BRF1: variants seen among roughly 807,000 people sequenced by gnomAD.
The protein encoded by BRF1 is BRF1 general transcription factor IIIB subunit.
Under a neutral mutation model 81.7 loss-of-function variants are expected in BRF1, and 59 were observed. The observed-to-expected ratio is 0.72, with a 90% CI of 0.59 to 0.90. The LOEUF is 0.90. Among genes scored for constraint, BRF1 ranks in the 40% least tolerant of loss-of-function variants. The probability of loss-of-function intolerance (pLI) is 0.00; values close to 1 mark genes in which losing one functional copy is unlikely to be tolerated. For synonymous variants in BRF1, 491 were observed against 395.6 expected (o/e 1.24, Z -2.86); for missense variants, 1,050 against 936.3 (o/e 1.12, Z -1.58).
chr14:105,285,016 A>G (rs2057264081), intron 2 of BRF1, among the ~76,000 whole-genome samples: 1 of 152,234 alleles, frequency 6.6e-6, no homozygotes, highest in South Asian at 2.1e-4. Flanking sequence ...CAAATTAAAG[A>G]AGACCCAAAT....
chr14:105,226,093 C>T lies in BRF1; in HGVS notation c.1024G>A (p.Gly342Ser). Residue 342 changes from glycine to serine, a missense_variant, in exon 10 of 18, where the codon GGC becomes AGC. Gly to Ser is a moderately conservative substitution (Grantham distance 56). This residue lies in a region of BRF1 where 1,043 missense variants were observed against 915.4 expected (regional missense o/e 1.14). Transcript: ENST00000547530. Reference protein sequence around the residue: ...LENSRPKAKGGLASLAKDGST... With the variant: ...LENSRPKAKGSLASLAKDGST... ...CCATCTTTTGCCAGGCTGGCCAGGC[C>T]CCCCTTGGCCTTTGGCCGGCTGTTT... The T allele has an allele frequency of 1.2e-6, 2 of 1,613,868 alleles. No homozygotes were observed. Among genetic ancestry groups the T allele is most frequent in the Admixed American group, 1.7e-5 (1 of 60,016 alleles).
chr14:105,222,268 G>C (rs1424491196), intron 10 of BRF1: 4 of 214,330 alleles, frequency 1.9e-5, no homozygotes, highest in Non-Finnish European at 2.7e-5. Flanking sequence ...ACTGCCCTTT[G>C]AAAGACATCG....
At chr14:105,245,355 C>T (rs1194855024) in intron 5 of BRF1, among the ~76,000 whole-genome samples, 1 of 151,076 alleles carries the variant, frequency 6.6e-6, no homozygotes, top group African/African-American at 2.4e-5. Flanking sequence ...AGCAAGACTC[C>T]ATCTCAAAAA....
chr14:105,274,618 G>A (rs2056802750), intron 2 of BRF1, among the ~76,000 whole-genome samples: 1 of 152,362 alleles, frequency 6.6e-6, no homozygotes, highest in African/African-American at 2.4e-5. Context: ...GCCACATGAT[G>A]GCATCAGGAG....
intron 6 of BRF1, 45 bp downstream of exon 6, chr14:105,241,220 C>T (rs754383057): frequency 6.2e-6 from 10 of 1,600,194 alleles, no homozygotes; most frequent in African/African-American, 2.7e-5. Flanking sequence ...AGTGTGAGGC[C>T]AGGACCCAGA....
chr14:105,211,979 C>T, intron 16 of BRF1, 134 bp downstream of exon 16: 1 of 1,334,118 alleles, frequency 7.5e-7, no homozygotes, highest in Middle Eastern at 2.1e-4. Context: ...CCATGCCAGG[C>T]AAGTATGGGG....
At chr14:105,226,025 C>A (rs778289792) in intron 10 of BRF1, 44 bp downstream of exon 10, 15 of 1,533,920 alleles carry the variant, frequency 9.8e-6, no homozygotes, top group South Asian at 8.0e-5. Flanking sequence ...GAGACTCTAG[C>A]ACATTTTAAA....
In BRF1 at chr14:105,216,022, TACAGACACAGGCACACACACTGCGTAC is replaced by T. The variant is rs1456099336; in HGVS notation, c.1772+1495_1772+1521del. Among the ~76,000 whole-genome samples the T allele has an allele frequency of 4.1e-3, 343 of 83,892 alleles. 10 individuals are homozygous for T. The East Asian group carries it at 0.086, about 21-fold the overall frequency. The allele number at this position is 83,892 out of a possible 152,430, so 55.0% of individuals were successfully genotyped here. ...CACATGCACACACACGCTGCAGGCA[TACAGACACAGGCACACACACTGCGTAC>T]ACAGACACAGGCACACACACACACA... On this transcript the variant is annotated intron_variant, in intron 15 of 17. Coordinates refer to ENST00000547530, the MANE Select transcript of BRF1 (RefSeq NM_001519.4).
intron 12 of BRF1, 150 bp downstream of exon 12, chr14:105,219,919 A>C: frequency 1.2e-6 from 1 of 802,436 alleles, no homozygotes; most frequent in Non-Finnish European, 2.0e-6. Flanking sequence ...GGTCCCGGGA[A>C]CAGTGGCCAG....
In BRF1 at chr14:105,209,842, C is replaced by G. The variant is rs1017429397; in HGVS notation, c.*709G>C. On this transcript the variant is annotated 3_prime_UTR_variant, in exon 18 of 18. Transcript: ENST00000547530. ...GCCGGCAGCCGCAGGGCTCCTGGGC[C>G]CACAACTCAAGTGGCCCTGGAGCAG... 2.0e-6 allele frequency: 1 copy of G among 498,408 alleles called. No individual in the cohort carries two copies. Among genetic ancestry groups the G allele is most frequent in the Non-Finnish European group, 3.5e-6 (1 of 284,612 alleles). The allele number at this position is 498,408 out of a possible 1,614,324, so 30.9% of individuals were successfully genotyped here.
intron 1 of BRF1, among the ~76,000 whole-genome samples, chr14:105,296,030 CAG>C (rs2057725946): frequency 7.2e-6 from 1 of 138,464 alleles, no homozygotes; most frequent in African/African-American, 2.8e-5. Context: ...GCAGTGAGCC[CAG>C]ATTGCGCCAC....
chr14:105,262,007 A>G (rs2056182727), intron 3 of BRF1, among the ~76,000 whole-genome samples: 1 of 152,240 alleles, frequency 6.6e-6, no homozygotes, highest in South Asian at 2.1e-4. Context: ...GGCCCGGCCG[A>G]AGCTCCGTGT....
chr14:105,245,958 G>A (rs1305492700), intron 5 of BRF1, among the ~76,000 whole-genome samples: 5 of 152,120 alleles, frequency 3.3e-5, no homozygotes, highest in African/African-American at 9.7e-5. Context: ...GCACAGCAAA[G>A]GAATCTATTA....
intron 1 of BRF1, among the ~76,000 whole-genome samples, chr14:105,288,380 A>G (rs997535181): frequency 6.6e-6 from 1 of 151,990 alleles, no homozygotes; most frequent in Non-Finnish European, 1.5e-5. Context: ...TGAACCCAGG[A>G]GGTGGAGGTT....
intron 11 of BRF1, 87 bp downstream of exon 11, chr14:105,221,561 G>A: frequency 1.3e-6 from 2 of 1,508,682 alleles, no homozygotes; most frequent in Non-Finnish European, 8.8e-7. Flanking sequence ...ACAGAGGATG[G>A]CAGCATCCGG....
chr14:105,267,851 T>C (rs984780157), intron 3 of BRF1, among the ~76,000 whole-genome samples: 7 of 152,212 alleles, frequency 4.6e-5, no homozygotes, highest in Non-Finnish European at 8.8e-5. Context: ...TGGAATAAGC[T>C]GAATGCACAT....
In BRF1 at chr14:105,210,676, CT is replaced by C. The variant is rs1246833745; in HGVS notation, c.1997-89del. 9 of 1,456,628 alleles carry C rather than the reference CT, an allele frequency of 6.2e-6. No individual in the cohort carries two copies. The highest frequency in any genetic ancestry group is 3.8e-5 in the Admixed American group (2 of 52,490). The allele number at this position is 1,456,628 out of a possible 1,614,324, so 90.2% of individuals were successfully genotyped here. ...AACCCGCCCTGTTCCTGGTGCCCCC[CT>C]AGAAGACTCAGGCTCCAGCCCCAGC... On this transcript the variant is annotated intron_variant, in intron 17 of 17. Transcript: ENST00000547530. The surrounding 1 kb of genome is among the most constrained non-coding windows in gnomAD (Gnocchi z 4.7).
At chr14:105,224,978 C>G (rs887644392) in intron 10 of BRF1, among the ~76,000 whole-genome samples, 13 of 152,262 alleles carry the variant, frequency 8.5e-5, no homozygotes, top group Middle Eastern at 3.2e-3. Context: ...CAGAGAGCAG[C>G]TGTCAGTGGA....
chr14:105,302,261 T>G (rs1182972337), upstream of BRF1, among the ~76,000 whole-genome samples: 1 of 149,326 alleles, frequency 6.7e-6, no homozygotes, highest in Admixed American at 6.7e-5. Flanking sequence ...TGGAGTGCAG[T>G]GGTGAGATAT....
Sources: gnomAD v4.1 joint callset for allele counts (sites outside exome capture counted in the v4.1 genomes callset) on GRCh38, gnomAD v4.1.1 for gene constraint, gnomAD v4.1.1 regional missense constraint, Gnocchi (gnomAD v3.1) non-coding constraint, MANE v1.5 for transcripts, NCBI Gene and HGNC (gene_info 2026-07-23, HGNC 2026-07-21) for gene names.